The following GRIP2 variants were observed in gnomAD, a reference collection of about 807,000 sequenced individuals.
GRIP2 encodes the protein glutamate receptor interacting protein 2.
GRIP2 carries 58 observed loss-of-function variants against 108.3 expected under a neutral mutation model. That is an observed-to-expected ratio of 0.54 (90% CI 0.43 to 0.67). The LOEUF (loss-of-function observed/expected upper bound fraction) is 0.67. Ranked by LOEUF, GRIP2 falls within the 30% of genes least tolerant of loss-of-function variation. The probability of loss-of-function intolerance (pLI) is 0.00; values close to 1 mark genes in which losing one functional copy is unlikely to be tolerated. For missense variants in GRIP2, 1,278 were observed against 1,430.6 expected, an observed-to-expected ratio of 0.89 and a Z score of 1.72; for synonymous variants, 586 against 598.2, an observed-to-expected ratio of 0.98 and a Z score of 0.30.
upstream of GRIP2, chr3:14,540,414 C>G (rs529197650): frequency 6.2e-7 from 1 of 1,603,934 alleles, no homozygotes; most frequent in South Asian, 1.1e-5. The surrounding 1 kb of genome is among the most constrained non-coding windows in gnomAD (Gnocchi z 4.1). Context: ...GCTCACAGCT[C>G]CCACTGGCTG....
rs147987293 is a variant in GRIP2, at chr3:14,514,514, G to A, written c.1307-36C>T. ...GGTGGGCCCAGCATTCAGGTGAGCC[G>A]CCCCACGGAGGTCTTCCTGCCAGGG... On this transcript the variant is annotated intron_variant, in intron 11 of 23. Transcript: ENST00000621039. The A allele has an allele frequency of 5.7e-5, 86 of 1,497,056 alleles. No homozygotes were observed. In the East Asian group the frequency reaches 1.2e-3, roughly 21 times the overall value. The allele number at this position is 1,497,056 out of a possible 1,614,324, so 92.7% of individuals were successfully genotyped here.
rs745574318 is a variant in GRIP2 at position 14,505,753 on chromosome 3, G to A, written c.2435C>T (p.Thr812Ile). Reference protein sequence around the residue: ...YTPQAAARGTTPQERRPGWLR... With the variant: ...YTPQAAARGTIPQERRPGWLR... ...CCAGCCAGGCCTCCGCTCCTGGGGGGTCGTGCCCCGGGCTGCTGCCTGTGG... is the reference window on the plus strand; with the variant it reads ...CCAGCCAGGCCTCCGCTCCTGGGGGATCGTGCCCCGGGCTGCTGCCTGTGG... Residue 812 changes from threonine to isoleucine, a missense_variant, in exon 20 of 24, where the codon ACC becomes ATC. Transcript: ENST00000621039. The surrounding 1 kb of genome is among the most constrained non-coding windows in gnomAD (Gnocchi z 4.2). 20 of 1,575,432 alleles carry A rather than the reference G, an allele frequency of 1.3e-5. No individual in the cohort carries two copies. The highest frequency in any genetic ancestry group is 1.8e-5 in the Admixed American group (1 of 54,202).
At chr3:14,532,402 G>A (rs34011070) in intron 1 of GRIP2, among the ~76,000 whole-genome samples, 23,963 of 152,070 alleles carry the variant, frequency 0.16, 1,969 homozygotes, top group Non-Finnish European at 0.19. Context: ...CTCAGTCTAC[G>A]GGAGGTTTCT....
chr3:14,525,572 T>G lies in GRIP2; in HGVS notation c.122A>C (p.Glu41Ala), dbSNP rs954537964. ...CACCACAGTGATCCCTCGGAACTCC[T>G]CTGCCAACAGATGGGGATGGGGGCT... ...SLACRRQSIP[E>A]EFRGITVVEL... Residue 41 changes from glutamate (E) to alanine (A), a missense_variant and splice_region_variant, in exon 3 of 24, where the codon GAG becomes GCG. Physicochemically the swap from Glu to Ala is moderately radical, Grantham distance 107. Transcript: ENST00000621039. The G allele has an allele frequency of 6.2e-7, 1 of 1,613,750 alleles. No homozygotes were observed. Among genetic ancestry groups the G allele is most frequent in the Middle Eastern group, 1.6e-4 (1 of 6,062 alleles).
At chr3:14,501,649 C>T in intron 21 of GRIP2, among the ~76,000 whole-genome samples, 1 of 152,150 alleles carries the variant, frequency 6.6e-6, no homozygotes, top group Non-Finnish European at 1.5e-5. Flanking sequence ...TACACATAAA[C>T]TCATTAAAGC....
chr3:14,494,694 G>GAGGC (rs1693531547), intron 23 of GRIP2, 149 bp downstream of exon 23: 1 of 879,874 alleles, frequency 1.1e-6, no homozygotes, highest in Non-Finnish European at 1.6e-6. Flanking sequence ...GAGGCTGAGG[G>GAGGC]TGCTGGGGCC....
At position 14,524,506 on chromosome 3, in the gene GRIP2, C is replaced by A. The variant is rs1694500997; in HGVS notation, c.290G>T (p.Arg97Leu). The A allele has an allele frequency of 1.9e-6, 3 of 1,557,126 alleles. No individual in the cohort carries two copies. Among genetic ancestry groups the A allele is most frequent in the Non-Finnish European group, 2.6e-6 (3 of 1,150,084 alleles). ...GGTCAGGTGGATCCCGTTCACAGACCGAATATAGTCACCAATGTTCAGCAG... is the reference window on the plus strand; with the variant it reads ...GGTCAGGTGGATCCCGTTCACAGACAGAATATAGTCACCAATGTTCAGCAG... ...SDLLNIGDYIRSVNGIHLTRL... is the reference protein window; with the variant it reads ...SDLLNIGDYILSVNGIHLTRL... Residue 97 changes from arginine to leucine, a missense_variant, in exon 4 of 24, where the codon CGG becomes CTG. Physicochemically the swap from Arg to Leu is moderately radical, Grantham distance 102 (BLOSUM62 -2). Coordinates refer to ENST00000621039, the MANE Select transcript of GRIP2 (RefSeq NM_001080423.4).
At chr3:14,573,585 G>C in the GRIP2 span, 1 of 1,440,554 alleles carries the variant, frequency 6.9e-7, no homozygotes. Flanking sequence ...GTACTCCCGG[G>C]AGGTGATCTC....
the GRIP2 span, among the ~76,000 whole-genome samples, chr3:14,593,766 T>C: frequency 4.0e-4 from 61 of 152,194 alleles, 1 homozygote; most frequent in Admixed American, 3.7e-3. Flanking sequence ...GTCCTGGATA[T>C]GCCAGAGACA....
At chr3:14,588,634 T>C in the GRIP2 span, among the ~76,000 whole-genome samples, 6 of 152,212 alleles carry the variant, frequency 3.9e-5, no homozygotes, top group African/African-American at 1.4e-4. Context: ...AACCCCTGGA[T>C]ATAAATCTTG....
At chr3:14,572,279 A>C in the GRIP2 span, among the ~76,000 whole-genome samples, 4 of 151,896 alleles carry the variant, frequency 2.6e-5, no homozygotes, top group East Asian at 7.7e-4. Flanking sequence ...TTTTTCTAAA[A>C]CGCTCCCAGG....
intron 16 of GRIP2, among the ~76,000 whole-genome samples, chr3:14,510,253 C>A (rs1427995532): frequency 2.2e-5 from 3 of 138,272 alleles, no homozygotes; most frequent in African/African-American, 8.8e-5. Context: ...CCCCGATCAT[C>A]CGTTGTTTTT....
the GRIP2 span, among the ~76,000 whole-genome samples, chr3:14,597,071 C>G: frequency 1.3e-5 from 2 of 152,210 alleles, no homozygotes; most frequent in Non-Finnish European, 2.9e-5. Context: ...AAGTGAGTTA[C>G]TGAACCAGTG....
Position 14,524,398 on chromosome 3 carries a change from G to A in GRIP2, c.398C>T (p.Pro133Leu), listed in dbSNP as rs547743119. ...CCCCGTCCAAGGGCACCCACCGGGC[G>A]GGGGCAGCTCATACTCCACCTCCAG... Reference protein sequence around the residue: ...VVLEVEYELPPPAPENNPRII... With the variant: ...VVLEVEYELPLPAPENNPRII... The change falls in exon 4 of 24, where the codon CCG becomes CTG. Residue 133 changes from proline (P) to leucine (L), a missense_variant. Pro to Leu is a moderately conservative substitution (Grantham distance 98). Coordinates refer to ENST00000621039, the MANE Select transcript of GRIP2 (RefSeq NM_001080423.4). 163 of 1,609,768 alleles carry A rather than the reference G, an allele frequency of 1.0e-4. No homozygotes were observed. Among genetic ancestry groups the A allele is most frequent in the Non-Finnish European group, 1.3e-4 (154 of 1,178,538 alleles).
the GRIP2 span, among the ~76,000 whole-genome samples, chr3:14,569,300 C>T: frequency 2.6e-5 from 4 of 152,214 alleles, no homozygotes; most frequent in South Asian, 2.1e-4. Flanking sequence ...TTCTTAGAAT[C>T]GGGCTGTGTC....
At chr3:14,540,375 C>G (rs373488783), upstream of GRIP2, 1 of 1,611,170 alleles carries the variant, frequency 6.2e-7, no homozygotes, top group Admixed American at 1.7e-5. The surrounding 1 kb of genome is among the most constrained non-coding windows in gnomAD (Gnocchi z 4.1). Context: ...CCCTCCCTCC[C>G]CTCCCCAGGG....
Position 14,522,827 on chromosome 3 carries a change from G to T in GRIP2, c.566+173C>A, listed in dbSNP as rs1038033589. On this transcript the variant is annotated intron_variant, in intron 6 of 23. Transcript: ENST00000621039. The surrounding 1 kb of genome is among the most constrained non-coding windows in gnomAD (Gnocchi z 4.3). Reference sequence around the variant, plus strand: ...AGGGCTCGAGGTTTCCCTCATTTGGGGTTACATCCCGGTTCCATCAACAAC... The same window carrying T: ...AGGGCTCGAGGTTTCCCTCATTTGGTGTTACATCCCGGTTCCATCAACAAC... 2 of 609,194 alleles carry T rather than the reference G, an allele frequency of 3.3e-6. No individual in the cohort carries two copies. The highest frequency in any genetic ancestry group is 3.0e-6 in the Non-Finnish European group (1 of 332,446). The allele number at this position is 609,194 out of a possible 1,614,324, so 37.7% of individuals were successfully genotyped here. A position where few individuals can be genotyped will look rare whatever the true frequency, so the allele number is the denominator to read the frequency against.
upstream of GRIP2, among the ~76,000 whole-genome samples, chr3:14,556,378 C>T (rs1298416892): frequency 2.0e-5 from 3 of 152,216 alleles, no homozygotes; most frequent in Non-Finnish European, 4.4e-5. Flanking sequence ...CTAGAATGTC[C>T]TTCCCCTCTA....
At chr3:14,533,404 TAA>T in intron 1 of GRIP2, among the ~76,000 whole-genome samples, 1 of 152,296 alleles carries the variant, frequency 6.6e-6, no homozygotes, top group East Asian at 1.9e-4. Context: ...TTATGAATCC[TAA>T]GAGAAAAGTG....
Sources: allele counts gnomAD v4.1 joint callset (sites outside exome capture counted in the v4.1 genomes callset), GRCh38; gene constraint gnomAD v4.1.1; non-coding constraint Gnocchi (gnomAD v3.1); transcripts MANE v1.5; gene names NCBI Gene and HGNC (gene_info 2026-07-23, HGNC 2026-07-21).